The following CEP70 variants were observed in gnomAD, a reference collection of about 807,000 sequenced individuals.
The protein encoded by CEP70 is centrosomal protein 70, also known as centrosomal protein of 70 kDa.
Under a neutral mutation model 90.9 loss-of-function variants are expected in CEP70, and 70 were observed. The observed-to-expected ratio is 0.77, with a 90% CI of 0.64 to 0.94. The LOEUF (loss-of-function observed/expected upper bound fraction) is 0.94, where lower values mean the gene tolerates loss of function less well. CEP70 is among the 40% of genes least tolerant of loss of function. The pLI is 0.00. For synonymous variants in CEP70, 220 were observed against 228.3 expected, an observed-to-expected ratio of 0.96 and a Z score of 0.33; for missense variants, 648 against 669.0, an observed-to-expected ratio of 0.97 and a Z score of 0.35.
chr3:138,559,594 G>A (rs2040252504), intron 6 of CEP70, among the ~76,000 whole-genome samples: 2 of 152,106 alleles, frequency 1.3e-5, no homozygotes. Context: ...TTAGCTGGGT[G>A]CACACCTGTA....
intron 2 of CEP70, among the ~76,000 whole-genome samples, chr3:138,575,337 G>A (rs535460904): frequency 1.3e-5 from 2 of 152,288 alleles, no homozygotes; most frequent in East Asian, 3.9e-4. Flanking sequence ...TTGATCAAGT[G>A]GCAGAAAGGG....
chr3:138,530,668 G>C (rs757191924), intron 8 of CEP70: 234 of 985,230 alleles, frequency 2.4e-4, no homozygotes, highest in Non-Finnish European at 2.8e-4. Flanking sequence ...TCTGCTTCCT[G>C]TTTATCCTAC....
rs7611374 is a variant in CEP70, at chr3:138,532,424, T to C, written c.692+90A>G. On this transcript the variant is annotated intron_variant, in intron 8 of 17. Coordinates refer to ENST00000264982, the MANE Select transcript of CEP70 (RefSeq NM_024491.4). ...CAGTGACATATTAGGTGGATTTCCATAGTATATTAAAGTTTCAAAAGCTAC... is the reference window on the plus strand; with the variant it reads ...CAGTGACATATTAGGTGGATTTCCACAGTATATTAAAGTTTCAAAAGCTAC... 2,904 of 1,144,218 alleles carry C rather than the reference T, an allele frequency of 2.5e-3. 62 individuals are homozygous for C. In the African/African-American group the frequency reaches 0.043, roughly 17 times the overall value. 70.9% of individuals were successfully genotyped at this position (1,144,218 alleles called of 1,614,324 possible).
At chr3:138,495,622 C>T (rs758395221) in intron 17 of CEP70, among the ~76,000 whole-genome samples, 7 of 152,102 alleles carry the variant, frequency 4.6e-5, no homozygotes, top group South Asian at 2.1e-4. Context: ...GAGGCCGAGA[C>T]GGGAAGATCA....
intron 2 of CEP70, among the ~76,000 whole-genome samples, chr3:138,578,128 G>A (rs879611990): frequency 7.9e-5 from 12 of 152,172 alleles, no homozygotes; most frequent in Non-Finnish European, 1.5e-4. Context: ...GTGTAGTACC[G>A]TTGGCCCTCC....
At chr3:138,553,693 G>C (rs2039791932) in intron 6 of CEP70, among the ~76,000 whole-genome samples, 1 of 152,078 alleles carries the variant, frequency 6.6e-6, no homozygotes, top group East Asian at 1.9e-4. Context: ...AAATATCCCT[G>C]ATGAACATAG....
intron 11 of CEP70, among the ~76,000 whole-genome samples, chr3:138,525,091 A>AT (rs1378186879): frequency 6.6e-6 from 1 of 152,200 alleles, no homozygotes; most frequent in African/African-American, 2.4e-5. Context: ...GCCATAAAAA[A>AT]TGATGAGTTC....
intron 6 of CEP70, among the ~76,000 whole-genome samples, chr3:138,569,626 G>C (rs1463521062): frequency 6.6e-6 from 1 of 152,200 alleles, no homozygotes; most frequent in East Asian, 1.9e-4. Context: ...CCAGCACTTT[G>C]GGAGGCCGAG....
chr3:138,510,349 C>T (rs1234161781), intron 11 of CEP70, among the ~76,000 whole-genome samples: 2 of 152,000 alleles, frequency 1.3e-5, no homozygotes, highest in East Asian at 3.9e-4. Context: ...AAAAGAATCG[C>T]CTGAACCTGG....
intron 1 of CEP70, chr3:138,592,923 C>G (rs2042455663): frequency 6.6e-6 from 1 of 152,180 alleles, no homozygotes; most frequent in African/African-American, 2.4e-5. Context: ...TGCAAAAGCT[C>G]TATTCTAAAA....
intron 6 of CEP70, among the ~76,000 whole-genome samples, chr3:138,557,128 G>C (rs1333233174): frequency 6.6e-6 from 1 of 152,076 alleles, no homozygotes; most frequent in African/African-American, 2.4e-5. Flanking sequence ...GATGTTCCTT[G>C]CTGAGAAAAA....
At chr3:138,495,889 C>G (rs1483996533) in intron 17 of CEP70, 1 of 985,202 alleles carries the variant, frequency 1.0e-6, no homozygotes, top group African/African-American at 1.7e-5. Flanking sequence ...AAAAAGATAG[C>G]CTCATCGAGT....
At chr3:138,521,502 T>C (rs1046856380) in intron 11 of CEP70, among the ~76,000 whole-genome samples, 1 of 144,296 alleles carries the variant, frequency 6.9e-6, no homozygotes, top group African/African-American at 2.6e-5. Flanking sequence ...TGGCTGCCCA[T>C]TGTCTGGGAT....
Position 138,494,710 on chromosome 3 carries a change from G to C in CEP70, c.*305C>G. ...GATTGCAACCTACTACTTGCAATCTGTCTCCCTGGGCTCCTCTTTTACTCA... is the reference window on the plus strand; with the variant it reads ...GATTGCAACCTACTACTTGCAATCTCTCTCCCTGGGCTCCTCTTTTACTCA... On this transcript the variant is annotated 3_prime_UTR_variant, in exon 18 of 18. Coordinates refer to ENST00000264982, the MANE Select transcript of CEP70 (RefSeq NM_024491.4). 5.0e-6 allele frequency: 1 copy of C among 198,648 alleles called. No individual in the cohort carries two copies. The highest frequency in any genetic ancestry group is 1.4e-4 in the East Asian group (1 of 7,092). The allele number at this position is 198,648 out of a possible 1,614,324, so 12.3% of individuals were successfully genotyped here. A position where few individuals can be genotyped will look rare whatever the true frequency, so the allele number is the denominator to read the frequency against.
intron 6 of CEP70, among the ~76,000 whole-genome samples, chr3:138,548,020 T>C (rs1020646258): frequency 6.6e-6 from 1 of 152,216 alleles, no homozygotes; most frequent in Non-Finnish European, 1.5e-5. Flanking sequence ...TCCTAATTCA[T>C]TGTATCAGGC....
chr3:138,499,783 TAC>T (rs56826450), intron 16 of CEP70: 2,449 of 190,922 alleles, frequency 0.013, no homozygotes, highest in East Asian at 0.03. Flanking sequence ...TCTCTCTCTC[TAC>T]ACACACACAC....
intron 15 of CEP70, 61 bp from the exon 16 acceptor site, chr3:138,500,285 C>T (rs1194241636): frequency 2.6e-6 from 4 of 1,510,768 alleles, no homozygotes; most frequent in Non-Finnish European, 3.6e-6. Context: ...ATACATCAAA[C>T]ATTTTATGCT....
intron 17 of CEP70, chr3:138,497,290 C>G (rs1238294187): frequency 7.9e-7 from 1 of 1,267,672 alleles, no homozygotes; most frequent in Non-Finnish European, 1.0e-6. Context: ...TATTTTCATA[C>G]CAAGCTTCAT....
chr3:138,573,380 TAA>T (rs561753739), intron 2 of CEP70, among the ~76,000 whole-genome samples: 7 of 118,688 alleles, frequency 5.9e-5, no homozygotes, highest in African/African-American at 3.1e-5. Flanking sequence ...TGGGATACAG[TAA>T]AAAAAAAAAA....
Sources: allele counts gnomAD v4.1 joint callset (sites outside exome capture counted in the v4.1 genomes callset), GRCh38; gene constraint gnomAD v4.1.1; transcripts MANE v1.5; gene names NCBI Gene and HGNC (gene_info 2026-07-23, HGNC 2026-07-21).